FRMD6: variants seen among roughly 807,000 people sequenced by gnomAD.
FRMD6 encodes the protein FERM domain-containing protein 6.
Under a neutral mutation model 73.2 loss-of-function variants are expected in FRMD6, and 37 were observed. That is an observed-to-expected ratio of 0.51 (90% CI 0.39 to 0.66). The LOEUF is 0.66. Among genes scored for constraint, FRMD6 ranks in the 30% least tolerant of loss-of-function variants. The probability of loss-of-function intolerance (pLI) is 0.00; values close to 1 mark genes in which losing one functional copy is unlikely to be tolerated. For synonymous variants in FRMD6, 273 were observed against 282.2 expected (o/e 0.97, Z 0.33); for missense variants, 714 against 780.5 (o/e 0.91, Z 1.02).
intron 1 of FRMD6, among the ~76,000 whole-genome samples, chr14:51,549,572 G>A (rs1214766726): frequency 6.7e-6 from 1 of 148,962 alleles, no homozygotes; most frequent in Non-Finnish European, 1.5e-5. Context: ...TCCACAGCTG[G>A]AGTATAAACT....
intron 1 of FRMD6, among the ~76,000 whole-genome samples, chr14:51,676,855 C>T (rs1393159503): frequency 6.6e-6 from 1 of 152,122 alleles, no homozygotes; most frequent in African/African-American, 2.4e-5. Context: ...TTAATCATAC[C>T]TTTGCCTTTC....
At chr14:51,652,793 A>G (rs1892521108) in intron 1 of FRMD6, among the ~76,000 whole-genome samples, 1 of 152,304 alleles carries the variant, frequency 6.6e-6, no homozygotes. Flanking sequence ...ACTGTCAGGT[A>G]TGGACAGCTG....
intron 1 of FRMD6, among the ~76,000 whole-genome samples, chr14:51,655,618 C>T (rs1042225292): frequency 6.6e-6 from 1 of 152,006 alleles, no homozygotes; most frequent in African/African-American, 2.4e-5. Context: ...AAGTGGAATA[C>T]TGGACATTGA....
intron 2 of FRMD6, among the ~76,000 whole-genome samples, chr14:51,585,939 G>GTATATATATATATA (rs3060587): frequency 4.1e-4 from 13 of 31,390 alleles, no homozygotes; most frequent in African/African-American, 6.2e-4. Context: ...GTGTGTGTGT[G>GTATATATATATATA]TATATATATA....
chr14:51,424,066 T>A, the FRMD6 span, among the ~76,000 whole-genome samples: 1 of 152,216 alleles, frequency 6.6e-6, no homozygotes, highest in Non-Finnish European at 1.5e-5. Context: ...ACTGAAAAAT[T>A]GGGCAGTAAT....
At chr14:51,467,923 G>C in the FRMD6 span, among the ~76,000 whole-genome samples, 1 of 152,122 alleles carries the variant, frequency 6.6e-6, no homozygotes, top group Non-Finnish European at 1.5e-5. Context: ...TCGGTACTCT[G>C]GGAGGCCAAG....
the FRMD6 span, among the ~76,000 whole-genome samples, chr14:51,403,390 C>CTGTTA: frequency 2.0e-5 from 3 of 150,930 alleles, no homozygotes; most frequent in South Asian, 6.3e-4. Flanking sequence ...TATTCTGCAA[C>CTGTTA]TTTTATTTTA....
rs543897895 is a variant in FRMD6, at chr14:51,618,220, C to T, written c.-147+47810C>T. On this transcript the variant is annotated intron_variant, in intron 2 of 14. Transcript: ENST00000356218. ...TAGAAGACTGACATTTTATTAAGGC[C>T]CAAGGATGAAAAGAAACTGGTCAGG... Among the ~76,000 whole-genome samples the T allele has an allele frequency of 8.6e-5, 13 of 151,996 alleles. No individual in the cohort carries two copies. In the East Asian group the frequency reaches 2.5e-3, roughly 29 times the overall value.
intron 2 of FRMD6, among the ~76,000 whole-genome samples, chr14:51,581,796 T>A (rs1256575105): frequency 1.3e-5 from 2 of 151,706 alleles, no homozygotes; most frequent in Non-Finnish European, 2.9e-5. Flanking sequence ...GAACTTTATG[T>A]TTCATTCTAA....
At chr14:51,417,127 T>C in the FRMD6 span, among the ~76,000 whole-genome samples, 4 of 152,246 alleles carry the variant, frequency 2.6e-5, no homozygotes, top group Non-Finnish European at 5.9e-5. Context: ...CTGTGTCTTT[T>C]AATTGAGGCA....
upstream of FRMD6, among the ~76,000 whole-genome samples, chr14:51,486,030 T>TTC (rs912277788): frequency 6.0e-5 from 9 of 150,520 alleles, no homozygotes; most frequent in African/African-American, 1.7e-4. Flanking sequence ...TCCTTTTCTT[T>TTC]TTTTTTTTTT....
intron 1 of FRMD6, among the ~76,000 whole-genome samples, chr14:51,542,485 A>G (rs994881512): frequency 2.6e-5 from 4 of 152,094 alleles, no homozygotes; most frequent in African/African-American, 9.7e-5. Flanking sequence ...TGGCTGAATA[A>G]TATTCCATAG....
the FRMD6 span, among the ~76,000 whole-genome samples, chr14:51,447,977 C>A: frequency 3.3e-5 from 5 of 152,224 alleles, no homozygotes; most frequent in Admixed American, 2.6e-4. Flanking sequence ...TGGCTTAATG[C>A]TATCACAGAG....
the FRMD6 span, among the ~76,000 whole-genome samples, chr14:51,479,387 C>T: frequency 1.3e-5 from 2 of 152,204 alleles, no homozygotes; most frequent in African/African-American, 2.4e-5. Context: ...CCCAACTATA[C>T]TAACTAATCA....
At chr14:51,478,924 T>A in the FRMD6 span, among the ~76,000 whole-genome samples, 1 of 152,094 alleles carries the variant, frequency 6.6e-6, no homozygotes, top group South Asian at 2.1e-4. Flanking sequence ...AGAAAAAAAA[T>A]GTGCCAGAAG....
At chr14:51,568,334 G>T (rs1887895770) in intron 1 of FRMD6, among the ~76,000 whole-genome samples, 1 of 152,222 alleles carries the variant, frequency 6.6e-6, no homozygotes, top group Non-Finnish European at 1.5e-5. Flanking sequence ...GAACTCTCTG[G>T]GCCTTCTTCT....
chr14:51,721,881 T>C, intron 11 of FRMD6, 68 bp from the exon 12 acceptor site: 1 of 1,568,614 alleles, frequency 6.4e-7, no homozygotes, highest in Non-Finnish European at 8.7e-7. Context: ...ACCCTCAAAA[T>C]ATGGTTGCAT....
At chr14:51,660,689 G>C (rs1893158138) in intron 1 of FRMD6, among the ~76,000 whole-genome samples, 1 of 151,880 alleles carries the variant, frequency 6.6e-6, no homozygotes. Context: ...GAAAATAAGT[G>C]TTGTAGTATT....
At chr14:51,704,280 T>A (rs1423325577) in intron 5 of FRMD6, among the ~76,000 whole-genome samples, 3 of 152,114 alleles carry the variant, frequency 2.0e-5, no homozygotes, top group South Asian at 2.1e-4. Flanking sequence ...CTTAGAGTAT[T>A]TGTAGTGTGT....
Sources: gnomAD v4.1 joint callset for allele counts (sites outside exome capture counted in the v4.1 genomes callset) on GRCh38, gnomAD v4.1.1 for gene constraint, MANE v1.5 for transcripts, NCBI Gene and HGNC (gene_info 2026-07-23, HGNC 2026-07-21) for gene names.